TLK2: variants seen among roughly 807,000 people sequenced by gnomAD.
TLK2 encodes the protein tousled like kinase 2, also known as serine/threonine-protein kinase tousled-like 2.
In TLK2, 6 loss-of-function variants were observed where a neutral mutation model predicts 117.3. The ratio of observed to expected loss-of-function variants is 0.05; its 90% CI spans 0.03 to 0.10. The LOEUF (loss-of-function observed/expected upper bound fraction) is 0.10. Among genes scored for constraint, TLK2 ranks in the 10% least tolerant of loss-of-function variants. The pLI is 1.00. For synonymous variants in TLK2, 257 were observed against 316.7 expected (o/e 0.81, Z 2.00); for missense variants, 299 against 901.2 (o/e 0.33, Z 8.56).
At chr17:62,477,066 G>C (rs2144208735), upstream of TLK2, among the ~76,000 whole-genome samples, 2 of 152,190 alleles carry the variant, frequency 1.3e-5, no homozygotes, top group African/African-American at 4.8e-5. Context: ...ACTCCAGCCT[G>C]GGCGACAGAG....
intron 12 of TLK2, among the ~76,000 whole-genome samples, 200 bp downstream of exon 12, chr17:62,573,567 G>A (rs1285277456): frequency 6.6e-6 from 1 of 151,994 alleles, no homozygotes; most frequent in Non-Finnish European, 1.5e-5. Context: ...CTTTCTTTAG[G>A]GCATTTTGAA....
intron 21 of TLK2, 125 bp downstream of exon 21, chr17:62,608,273 G>T (rs958756065): frequency 1.4e-6 from 1 of 730,104 alleles, no homozygotes; most frequent in South Asian, 1.9e-5. Flanking sequence ...ATTAGGATAG[G>T]CATGAATTAA....
chr17:62,541,660 C>T (rs1012400655), intron 7 of TLK2, among the ~76,000 whole-genome samples: 1 of 151,966 alleles, frequency 6.6e-6, no homozygotes, highest in Non-Finnish European at 1.5e-5. Context: ...GGCTGGGGTA[C>T]GGTGGCTATT....
intron 19 of TLK2, among the ~76,000 whole-genome samples, chr17:62,603,304 T>C (rs940208012): frequency 6.6e-6 from 1 of 152,184 alleles, no homozygotes; most frequent in African/African-American, 2.4e-5. Context: ...CTTGTGGAAA[T>C]GGTACCTGTT....
intron 9 of TLK2, among the ~76,000 whole-genome samples, chr17:62,558,208 C>T (rs1477926487): frequency 2.6e-5 from 4 of 151,250 alleles, no homozygotes; most frequent in Non-Finnish European, 4.4e-5. Flanking sequence ...CTTGCTCTGT[C>T]TCCCAGGCTG....
chr17:62,608,167 A>G lies in TLK2; in HGVS notation c.2079+19A>G. 2 of 1,597,810 alleles carry G rather than the reference A, an allele frequency of 1.3e-6. No homozygotes were observed. The highest frequency in any genetic ancestry group is 1.7e-6 in the Non-Finnish European group (2 of 1,169,940). Reference sequence around the variant, plus strand: ...AGCAAAGGTAAGTTTTGTTTGACCCATTGGCCAACAGAAACGGCTGCTTTG... The same window carrying G: ...AGCAAAGGTAAGTTTTGTTTGACCCGTTGGCCAACAGAAACGGCTGCTTTG... On this transcript the variant is annotated intron_variant, in intron 21 of 21. Transcript: ENST00000346027.
chr17:62,509,414 C>T (rs2074974396), intron 2 of TLK2, among the ~76,000 whole-genome samples: 1 of 152,160 alleles, frequency 6.6e-6, no homozygotes, highest in South Asian at 2.1e-4. Context: ...GAAGCGGATA[C>T]TTCTCATGTT....
intron 17 of TLK2, among the ~76,000 whole-genome samples, chr17:62,598,081 G>A (rs1174242789): frequency 6.6e-6 from 1 of 152,164 alleles, no homozygotes; most frequent in East Asian, 1.9e-4. Context: ...TTCTCTCAGG[G>A]ATTTCTTCTC....
intron 6 of TLK2, among the ~76,000 whole-genome samples, chr17:62,535,781 A>C (rs1007800416): frequency 3.4e-5 from 5 of 145,234 alleles, no homozygotes; most frequent in African/African-American, 1.2e-4. Context: ...TCTCAAAAAA[A>C]AAAGAAAAAA....
intron 9 of TLK2, among the ~76,000 whole-genome samples, chr17:62,559,044 T>G (rs2079059154): frequency 6.6e-6 from 1 of 152,300 alleles, no homozygotes; most frequent in African/African-American, 2.4e-5. Context: ...ATTCAGGACT[T>G]GCAAGTCAAA....
intron 16 of TLK2, among the ~76,000 whole-genome samples, chr17:62,588,554 A>C (rs1165157964): frequency 6.6e-6 from 1 of 152,172 alleles, no homozygotes. Context: ...GCCTGAGCTC[A>C]TCTGAGGAGG....
chr17:62,597,513 A>G (rs536494186), intron 17 of TLK2, among the ~76,000 whole-genome samples: 1 of 152,298 alleles, frequency 6.6e-6, no homozygotes, highest in African/African-American at 2.4e-5. Context: ...ACTGTTCAAG[A>G]GAGTTTCTGC....
At chr17:62,472,977 CACACCACA>C (rs910578054) in intron 1 of TLK2, among the ~76,000 whole-genome samples, 1 of 152,160 alleles carries the variant, frequency 6.6e-6, no homozygotes, top group African/African-American at 2.4e-5. Flanking sequence ...ATTCACACAC[CACACCACA>C]AATTGTCCAC....
intron 3 of TLK2, among the ~76,000 whole-genome samples, chr17:62,521,621 A>G (rs530344117): frequency 1.3e-5 from 2 of 152,222 alleles, no homozygotes; most frequent in East Asian, 1.9e-4. Context: ...CTGGAACCCA[A>G]GCCATCCTCC....
At chr17:62,492,618 G>A (rs1000149610) in intron 2 of TLK2, among the ~76,000 whole-genome samples, 6 of 151,742 alleles carry the variant, frequency 4.0e-5, no homozygotes, top group South Asian at 4.2e-4. Flanking sequence ...CCACCTCGCC[G>A]GGCTAATTTT....
chr17:62,509,817 T>C (rs2075002844), intron 2 of TLK2, among the ~76,000 whole-genome samples: 1 of 152,184 alleles, frequency 6.6e-6, no homozygotes, highest in South Asian at 2.1e-4. Context: ...CCCTTCTGCC[T>C]TCTACTTTGT....
chr17:62,503,300 C>T (rs549421659), intron 2 of TLK2, among the ~76,000 whole-genome samples: 4 of 152,058 alleles, frequency 2.6e-5, no homozygotes, highest in East Asian at 3.9e-4. Flanking sequence ...CCCTGTGATC[C>T]GCCTGCCTTG....
rs144749502 is a variant in TLK2 at position 62,539,360 on chromosome 17, C to T, written c.531+3023C>T. Among the ~76,000 whole-genome samples, 119 of 152,242 alleles carry T rather than the reference C, an allele frequency of 7.8e-4. 3 individuals are homozygous for T. In the East Asian group the frequency reaches 0.014, roughly 18 times the overall value. On this transcript the variant is annotated intron_variant, in intron 7 of 21. Transcript: ENST00000346027. The stretch of plus-strand genomic sequence containing the variant: ...TTCTCTAAGCATACGGTCTTTCACT[C>T]GGCTTCCACTCTTGATTTTTCCTCA...
At chr17:62,553,435 A>T in intron 8 of TLK2, 1 of 482,990 alleles carries the variant, frequency 2.1e-6, no homozygotes, top group South Asian at 2.3e-5. Context: ...TTGATTCCAG[A>T]ATTAACATGT....
Sources: gnomAD v4.1 joint callset for allele counts (sites outside exome capture counted in the v4.1 genomes callset) on GRCh38, gnomAD v4.1.1 for gene constraint, MANE v1.5 for transcripts, NCBI Gene and HGNC (gene_info 2026-07-23, HGNC 2026-07-21) for gene names.